Variants in HMGCLL1 observed in about 807,000 individuals in gnomAD.
The protein encoded by HMGCLL1 is 3-hydroxy-3-methylglutaryl-CoA lyase like 1.
Under a neutral mutation model 39.1 loss-of-function variants are expected in HMGCLL1, and 36 were observed. That is an observed-to-expected ratio of 0.92 (90% CI 0.71 to 1.22). The LOEUF (loss-of-function observed/expected upper bound fraction) is 1.22, where lower values mean the gene tolerates loss of function less well. HMGCLL1 is among the 50% of genes most tolerant of loss of function. The pLI is 0.00. For missense variants in HMGCLL1, 451 were observed against 416.5 expected, an observed-to-expected ratio of 1.08 and a Z score of -0.72; for synonymous variants, 149 against 144.0, an observed-to-expected ratio of 1.03 and a Z score of -0.25.
chr6:55,599,259 T>TA, the HMGCLL1 span, among the ~76,000 whole-genome samples: 6 of 152,054 alleles, frequency 3.9e-5, no homozygotes, highest in Admixed American at 2.6e-4. Flanking sequence ...ACTTAAAGTA[T>TA]AATTAAAAAA....
the HMGCLL1 span, among the ~76,000 whole-genome samples, chr6:55,635,075 A>G: frequency 2.0e-5 from 3 of 152,108 alleles, no homozygotes; most frequent in African/African-American, 4.8e-5. Context: ...ACTTAGAACT[A>G]TATTGTCTGG....
chr6:55,547,507 CT>C, intron 1 of HMGCLL1, among the ~76,000 whole-genome samples: 1 of 151,946 alleles, frequency 6.6e-6, no homozygotes, highest in Middle Eastern at 3.4e-3. Flanking sequence ...GACATATTTG[CT>C]TATGTTTCAT....
the HMGCLL1 span, among the ~76,000 whole-genome samples, chr6:55,616,568 A>C: frequency 6.6e-6 from 1 of 152,138 alleles, no homozygotes; most frequent in Non-Finnish European, 1.5e-5. Flanking sequence ...TGATACGGCA[A>C]CAATGAACTG....
chr6:55,605,054 A>G, the HMGCLL1 span, among the ~76,000 whole-genome samples: 2 of 152,210 alleles, frequency 1.3e-5, no homozygotes, highest in East Asian at 3.9e-4. Context: ...ACTAAAAAGA[A>G]GTAGTAGGCA....
intron 1 of HMGCLL1, among the ~76,000 whole-genome samples, chr6:55,572,433 T>A (rs1173096721): frequency 1.3e-5 from 2 of 152,098 alleles, no homozygotes; most frequent in African/African-American, 4.8e-5. Context: ...GAGTAAATAG[T>A]ACATTGTTCT....
At chr6:55,568,622 T>A (rs996087923) in intron 1 of HMGCLL1, among the ~76,000 whole-genome samples, 4 of 152,202 alleles carry the variant, frequency 2.6e-5, no homozygotes, top group Admixed American at 2.0e-4. Context: ...AGACTAACAA[T>A]ACATAGTCAG....
intron 1 of HMGCLL1, chr6:55,563,772 C>T: frequency 5.5e-6 from 4 of 725,132 alleles, no homozygotes; most frequent in Non-Finnish European, 8.2e-6. Flanking sequence ...ATATTTTATT[C>T]TCCTTTCAAA....
chr6:55,518,197 T>G (rs976232751), intron 3 of HMGCLL1, among the ~76,000 whole-genome samples: 6 of 152,080 alleles, frequency 3.9e-5, no homozygotes, highest in African/African-American at 1.4e-4. Context: ...TGTGCTGAAG[T>G]AGTTAGTAGT....
chr6:55,535,757 A>G (rs1449675092), intron 3 of HMGCLL1, among the ~76,000 whole-genome samples: 1 of 152,172 alleles, frequency 6.6e-6, no homozygotes, highest in Non-Finnish European at 1.5e-5. Context: ...ATAATAATGG[A>G]TGAGTCTTAC....
chr6:55,584,190 A>C (rs772020808), upstream of HMGCLL1, among the ~76,000 whole-genome samples: 23 of 152,238 alleles, frequency 1.5e-4, no homozygotes, highest in Non-Finnish European at 1.9e-4. Flanking sequence ...CTCCACGATA[A>C]GCTCCATATT....
chr6:55,677,232 A>G, the HMGCLL1 span, among the ~76,000 whole-genome samples: 1 of 152,188 alleles, frequency 6.6e-6, no homozygotes, highest in African/African-American at 2.4e-5. Context: ...CTCCGACTCT[A>G]CAAAACAATT....
intron 4 of HMGCLL1, among the ~76,000 whole-genome samples, chr6:55,515,811 G>A (rs1340318707): frequency 2.0e-5 from 3 of 151,840 alleles, no homozygotes; most frequent in Middle Eastern, 3.2e-3. Context: ...TACATTATAC[G>A]ATTAATACCC....
the HMGCLL1 span, among the ~76,000 whole-genome samples, chr6:55,637,098 G>A: frequency 2.0e-5 from 3 of 152,024 alleles, no homozygotes; most frequent in Non-Finnish European, 2.9e-5. Context: ...TTCTATTTTC[G>A]AAATACCTTA....
At chr6:55,582,648 T>C (rs1772004552), upstream of HMGCLL1, among the ~76,000 whole-genome samples, 2 of 152,164 alleles carry the variant, frequency 1.3e-5, no homozygotes, top group Admixed American at 1.3e-4. Flanking sequence ...CCTATCACTC[T>C]AATTATGTTT....
the HMGCLL1 span, among the ~76,000 whole-genome samples, chr6:55,611,950 G>A: frequency 1.3e-5 from 2 of 152,134 alleles, no homozygotes; most frequent in African/African-American, 4.8e-5. Context: ...GGAAGTCCTG[G>A]CCAGGGCAAT....
At chr6:55,660,950 T>C in the HMGCLL1 span, among the ~76,000 whole-genome samples, 1 of 151,630 alleles carries the variant, frequency 6.6e-6, no homozygotes, top group Non-Finnish European at 1.5e-5. Context: ...GCGGTTTTGA[T>C]TTTCCCTAAT....
chr6:55,518,532 A>G (rs780762691), intron 3 of HMGCLL1, among the ~76,000 whole-genome samples: 3 of 152,146 alleles, frequency 2.0e-5, no homozygotes, highest in African/African-American at 4.8e-5. Context: ...ATTAGAATGT[A>G]GTGGAAATCA....
chr6:55,481,953 C>T (rs1765771539), intron 7 of HMGCLL1, among the ~76,000 whole-genome samples: 2 of 152,090 alleles, frequency 1.3e-5, no homozygotes, highest in Non-Finnish European at 2.9e-5. Flanking sequence ...GCTCCTCCTT[C>T]ATCTGCCTCT....
chr6:55,659,591 C>A, the HMGCLL1 span, among the ~76,000 whole-genome samples: 1 of 151,876 alleles, frequency 6.6e-6, no homozygotes, highest in Non-Finnish European at 1.5e-5. Flanking sequence ...ATCTATCATA[C>A]TTTTCCTTTT....
Sources: allele counts gnomAD v4.1 joint callset (sites outside exome capture counted in the v4.1 genomes callset), GRCh38; gene constraint gnomAD v4.1.1; transcripts MANE v1.5; gene names NCBI Gene and HGNC (gene_info 2026-07-23, HGNC 2026-07-21).